Variants in CD163L1 observed in about 807,000 individuals in gnomAD.
CD163L1 encodes the protein CD163 molecule like 1, also known as scavenger receptor cysteine-rich type 1 protein M160.
In CD163L1, 124 loss-of-function variants were observed where a neutral mutation model predicts 165.4. The ratio of observed to expected loss-of-function variants is 0.75; its 90% CI spans 0.65 to 0.87. The LOEUF is 0.87. CD163L1 is among the 40% of genes least tolerant of loss of function. The pLI, the probability that CD163L1 is intolerant of heterozygous loss-of-function variation, is 0.00. For missense variants in CD163L1, 1,525 were observed against 1,799.9 expected (o/e 0.85, Z 2.76); for synonymous variants, 585 against 662.2 (o/e 0.88, Z 1.79).
At chr12:7,380,336 C>CGTATACATACATGTATGTGTGTATACGA in intron 8 of CD163L1, among the ~76,000 whole-genome samples, 1 of 145,236 alleles carries the variant, frequency 6.9e-6, no homozygotes, top group South Asian at 2.2e-4. Flanking sequence ...TATGTATACA[C>CGTATACATACATGTATGTGTGTATACGA]GTATACATAC....
intron 9 of CD163L1, among the ~76,000 whole-genome samples, chr12:7,378,398 G>A (rs1030531005): frequency 2.0e-5 from 3 of 152,166 alleles, no homozygotes; most frequent in Non-Finnish European, 4.4e-5. Context: ...TCTTTGAAAT[G>A]CAAGTTGTAT....
intron 4 of CD163L1, among the ~76,000 whole-genome samples, chr12:7,427,517 A>C (rs1194192189): frequency 6.6e-6 from 1 of 152,136 alleles, no homozygotes; most frequent in East Asian, 1.9e-4. Flanking sequence ...TAATAATAAA[A>C]TGAGTGGGAA....
chr12:7,418,131 T>C lies in CD163L1; in HGVS notation c.767-11279A>G, dbSNP rs188592910. On this transcript the variant is annotated intron_variant, in intron 4 of 19. Transcript: ENST00000313599. ...ATTCTCTAAAATAGACTATATGTTA[T>C]GCCACAAAACGAGTCTCCACACATT... Among the ~76,000 whole-genome samples the C allele has an allele frequency of 2.4e-4, 36 of 152,134 alleles. 1 individual carries two copies. The highest frequency in any genetic ancestry group is 2.0e-3 in the Admixed American group (31 of 15,234).
At chr12:7,335,768 G>A in the CD163L1 span, among the ~76,000 whole-genome samples, 3 of 152,258 alleles carry the variant, frequency 2.0e-5, no homozygotes, top group East Asian at 3.9e-4. Context: ...ATCTGACAAA[G>A]GGCTAATATC....
the CD163L1 span, among the ~76,000 whole-genome samples, chr12:7,325,898 A>G: frequency 2.0e-5 from 3 of 152,188 alleles, no homozygotes; most frequent in Non-Finnish European, 2.9e-5. Context: ...GAGCCTCTGT[A>G]GTGACACTGT....
In CD163L1 at chr12:7,355,437, G is replaced by A. The variant is rs1467539454; in HGVS notation, c.*25-307C>T. ...ACACCAAAATTAAAAAGGAAGGTAT[G>A]ATTACATATGGTTTTGGTTTTTGGA... On this transcript the variant is annotated intron_variant, in intron 19 of 19. Transcript: ENST00000313599. Among the ~76,000 whole-genome samples, 5 of 152,218 alleles carry A rather than the reference G, an allele frequency of 3.3e-5. No individual in the cohort carries two copies. In the East Asian group the frequency reaches 5.8e-4, roughly 18 times the overall value.
chr12:7,363,074 C>T (rs1463182561), intron 18 of CD163L1, among the ~76,000 whole-genome samples: 1 of 151,878 alleles, frequency 6.6e-6, no homozygotes, highest in Admixed American at 6.6e-5. Context: ...ACGTTTATAG[C>T]AGTAAACACC....
intron 8 of CD163L1, among the ~76,000 whole-genome samples, chr12:7,392,914 A>T (rs147133685): frequency 6.6e-6 from 1 of 152,222 alleles, no homozygotes; most frequent in East Asian, 1.9e-4. Context: ...TGGCTCTGAA[A>T]TTGAGCCAAT....
chr12:7,428,814 T>G (rs891598251), intron 4 of CD163L1, among the ~76,000 whole-genome samples: 2 of 152,114 alleles, frequency 1.3e-5, no homozygotes, highest in Admixed American at 6.6e-5. Context: ...AAACTAACTT[T>G]TGCTAATTCT....
chr12:7,391,754 A>G lies in CD163L1; in HGVS notation c.2050+4341T>C, dbSNP rs759480756. Among the ~76,000 whole-genome samples, 8 of 152,318 alleles carry G rather than the reference A, an allele frequency of 5.3e-5. No homozygotes were observed. In the East Asian group the frequency reaches 1.5e-3, roughly 29 times the overall value. The stretch of plus-strand genomic sequence containing the variant: ...ATCTACCAAACAACTGGAATGCAAA[A>G]AAGAGCAGGGGTTGTAATCCTAGTC... On this transcript the variant is annotated intron_variant, in intron 8 of 19. Coordinates refer to ENST00000313599, the MANE Select transcript of CD163L1 (RefSeq NM_174941.6).
At chr12:7,336,682 AGG>A in the CD163L1 span, among the ~76,000 whole-genome samples, 1 of 152,150 alleles carries the variant, frequency 6.6e-6, no homozygotes, top group Non-Finnish European at 1.5e-5. Context: ...AAAGAAAAAG[AGG>A]ACACAAACAA....
the CD163L1 span, among the ~76,000 whole-genome samples, chr12:7,331,831 G>A: frequency 6.6e-6 from 1 of 152,120 alleles, no homozygotes. Context: ...CAAAGATGGG[G>A]AAAAAACAGA....
At chr12:7,396,689 T>C (rs996920270) in intron 7 of CD163L1, among the ~76,000 whole-genome samples, 1 of 152,196 alleles carries the variant, frequency 6.6e-6, no homozygotes, top group East Asian at 1.9e-4. Context: ...ACCTCCGCAC[T>C]TTCTTGAGAT....
intron 8 of CD163L1, among the ~76,000 whole-genome samples, chr12:7,391,901 C>G (rs879259857): frequency 6.6e-6 from 1 of 152,164 alleles, no homozygotes. Context: ...GCACCCAATA[C>G]AGGAGCACTC....
intron 4 of CD163L1, among the ~76,000 whole-genome samples, chr12:7,430,791 G>A (rs1034677622): frequency 2.0e-5 from 3 of 151,912 alleles, no homozygotes; most frequent in African/African-American, 4.8e-5. Context: ...AGGAGGAAGA[G>A]TTTTTTTCTA....
chr12:7,368,174 T>G lies in CD163L1; in HGVS notation c.4096A>C (p.Ser1366Arg). The G allele has an allele frequency of 1.2e-6, 2 of 1,604,632 alleles. No homozygotes were observed. Among genetic ancestry groups the G allele is most frequent in the African/African-American group, 2.7e-5 (2 of 74,718 alleles). The part of the protein sequence containing the change: ...SSGHLALILS[S>R]IFGLLLLVLF... Reference sequence around the variant, plus strand: ...ACCAGGAGAAGGAGCCCAAAGATACTGGATAAAATAAGTGCTAAATGACCT... The same window carrying G: ...ACCAGGAGAAGGAGCCCAAAGATACGGGATAAAATAAGTGCTAAATGACCT... Residue 1366 changes from serine to arginine, a missense_variant, in exon 17 of 20, where the codon AGT becomes CGT. Transcript: ENST00000313599. This position sits in a 1 kb window ranked among gnomAD's most constrained non-coding sequence, Gnocchi z 4.3.
Position 7,398,068 on chromosome 12 carries a change from G to A in CD163L1, c.1729+196C>T, listed in dbSNP as rs754108523. ...AGGGATCCAAAGGATCATAGTCAGGGTTGTCTACTAATTTCTTACTTTACC... is the reference window on the plus strand; with the variant it reads ...AGGGATCCAAAGGATCATAGTCAGGATTGTCTACTAATTTCTTACTTTACC... On this transcript the variant is annotated intron_variant, in intron 7 of 19. Transcript: ENST00000313599. The surrounding 1 kb of genome is among the most constrained non-coding windows in gnomAD (Gnocchi z 4.5). Among the ~76,000 whole-genome samples the A allele has an allele frequency of 6.6e-5, 10 of 152,156 alleles. No individual in the cohort carries two copies. The highest frequency in any genetic ancestry group is 1.0e-4 in the Non-Finnish European group (7 of 68,030).
chr12:7,339,717 T>G, the CD163L1 span, among the ~76,000 whole-genome samples: 11 of 152,292 alleles, frequency 7.2e-5, no homozygotes, highest in African/African-American at 2.6e-4. Flanking sequence ...CTGAGCCCCC[T>G]TAACTCTTGC....
rs1206074826 is a variant in CD163L1 at position 7,437,198 on chromosome 12, GTATTACTTTTTTATTT to G, written c.125-3520_125-3505del. The stretch of plus-strand genomic sequence containing the variant: ...TATTACTTTTATTTTTATTTTAATA[GTATTACTTTTTTATTT>G]TAATAGTATTTAAAAGTATTTACTT... On this transcript the variant is annotated intron_variant, in intron 2 of 19. Transcript: ENST00000313599. Among the ~76,000 whole-genome samples, 20 of 21,292 alleles carry G rather than the reference GTATTACTTTTTTATTT, an allele frequency of 9.4e-4. 1 individual carries two copies. The highest frequency in any genetic ancestry group is 1.1e-3 in the African/African-American group (15 of 13,386). 14.0% of individuals were successfully genotyped at this position (21,292 alleles called of 152,430 possible). A position where few individuals can be genotyped will look rare whatever the true frequency, so the allele number is the denominator to read the frequency against.
Sources: gnomAD v4.1 joint callset for allele counts (sites outside exome capture counted in the v4.1 genomes callset) on GRCh38, gnomAD v4.1.1 for gene constraint, Gnocchi (gnomAD v3.1) non-coding constraint, MANE v1.5 for transcripts, NCBI Gene and HGNC (gene_info 2026-07-23, HGNC 2026-07-21) for gene names.